The following PCDHGC4 variants were observed in gnomAD, a reference collection of about 807,000 sequenced individuals.
PCDHGC4 encodes protocadherin gamma-C4.
PCDHGC4 carries 15 observed loss-of-function variants against 59.7 expected under a neutral mutation model. That is an observed-to-expected ratio of 0.25 (90% confidence interval 0.17 to 0.39). The LOEUF (loss-of-function observed/expected upper bound fraction) is 0.39, where lower values mean the gene tolerates loss of function less well. Ranked by LOEUF, PCDHGC4 falls within the 10% of genes least tolerant of loss-of-function variation. The pLI is 1.00. For missense variants in PCDHGC4, 1,016 were observed against 1,189.5 expected (o/e 0.85, Z 2.15); for synonymous variants, 434 against 481.4 (o/e 0.90, Z 1.29).
In PCDHGC4 at chr5:141,505,574, CCT is replaced by C. The variant is rs562555098; in HGVS notation, c.2590+94_2590+95del. 5.3e-5 allele frequency: 85 copies of C among 1,593,636 alleles called. No individual in the cohort carries two copies. The African/African-American group carries it at 1.0e-3, about 20-fold the overall frequency. On this transcript the variant is annotated intron_variant, in intron 3 of 3. Coordinates refer to ENST00000306593, the MANE Select transcript of PCDHGC4 (RefSeq NM_018928.3). ...CCATGCCCACGGACTGGATGTCAAACCTGTGTAGTTTCTCCAGATCTTTCGGC... is the reference window on the plus strand; with the variant it reads ...CCATGCCCACGGACTGGATGTCAAACGTGTAGTTTCTCCAGATCTTTCGGC...
chr5:141,505,348 G>C, intron 2 of PCDHGC4, 45 bp from the exon 3 acceptor site: 1 of 1,613,358 alleles, frequency 6.2e-7, no homozygotes, highest in Non-Finnish European at 8.5e-7. Flanking sequence ...GGCATGAGCT[G>C]TGCCGGCCTG....
rs2099622509 is a variant in PCDHGC4 at position 141,485,988 on chromosome 5, G to T, written c.815G>T (p.Gly272Val). Residue 272 changes from glycine (G) to valine (V), a missense_variant, in exon 1 of 4, where the codon GGT becomes GTT. Coordinates refer to ENST00000306593, the MANE Select transcript of PCDHGC4 (RefSeq NM_018928.3). The surrounding 1 kb of genome is among the most constrained non-coding windows in gnomAD (Gnocchi z 5.7). ...IQLNASDPDLGPSGNVTFYFS... is the reference protein window; with the variant it reads ...IQLNASDPDLVPSGNVTFYFS... The stretch of plus-strand genomic sequence containing the variant: ...CTCAATGCCTCAGACCCGGACCTGG[G>T]TCCCAGTGGTAACGTCACCTTTTAT... 16 of 1,614,188 alleles carry T rather than the reference G, an allele frequency of 9.9e-6. No homozygotes were observed. The highest frequency in any genetic ancestry group is 1.4e-5 in the Non-Finnish European group (16 of 1,180,038).
intron 1 of PCDHGC4, among the ~76,000 whole-genome samples, chr5:141,488,087 G>A (rs1479773288): frequency 6.6e-6 from 1 of 152,198 alleles, no homozygotes; most frequent in East Asian, 1.9e-4. Flanking sequence ...CTAGTACACT[G>A]TGAAGGGACC....
In PCDHGC4 at chr5:141,489,662, G is replaced by C; in HGVS notation, c.2442+2047G>C. 8.1e-6 allele frequency: 13 copies of C among 1,614,144 alleles called. No individual in the cohort carries two copies. The highest frequency in any genetic ancestry group is 1.1e-5 in the Non-Finnish European group (13 of 1,180,010). On this transcript the variant is annotated intron_variant, in intron 1 of 3. Coordinates refer to ENST00000306593, the MANE Select transcript of PCDHGC4 (RefSeq NM_018928.3). This position sits in a 1 kb window ranked among gnomAD's most constrained non-coding sequence, Gnocchi z 4.5. The stretch of plus-strand genomic sequence containing the variant: ...TTTGCCACCCCTGAGCGAGAGATGC[G>C]CATCTCAGAATCAGCAGCATCTGGG...
At position 141,487,710 on chromosome 5, in the gene PCDHGC4, G is replaced by A. The variant is rs199722860; in HGVS notation, c.2442+95G>A. ...CTAGAGAGTACTGGCCTCTCAGTAA[G>A]TGCCCATAGTGATGTCACCATTTTT... On this transcript the variant is annotated intron_variant, in intron 1 of 3. Transcript: ENST00000306593. The surrounding 1 kb of genome is among the most constrained non-coding windows in gnomAD (Gnocchi z 5.0). 3.8e-4 allele frequency: 596 copies of A among 1,586,168 alleles called. No individual in the cohort carries two copies. The highest frequency in any genetic ancestry group is 4.5e-4 in the Non-Finnish European group (529 of 1,164,386).
At chr5:141,505,574 C>T (rs1275802375) in intron 3 of PCDHGC4, 93 bp downstream of exon 3, 13 of 1,593,636 alleles carry the variant, frequency 8.2e-6, no homozygotes, top group Non-Finnish European at 1.1e-5. Context: ...GGATGTCAAA[C>T]CTGTGTAGTT....
chr5:141,489,477 G>C lies in PCDHGC4; in HGVS notation c.2442+1862G>C, dbSNP rs2154581232. 1.9e-6 allele frequency: 3 copies of C among 1,614,108 alleles called. No homozygotes were observed. Among genetic ancestry groups the C allele is most frequent in the Non-Finnish European group, 2.5e-6 (3 of 1,180,034 alleles). ...ATGGGCGCTATTTTTCCCTGAGCTT[G>C]ATGAGTGGTGCCCTGGCAGTGAATC... is the stretch of plus-strand genomic sequence containing the variant. On this transcript the variant is annotated intron_variant, in intron 1 of 3. Coordinates refer to ENST00000306593, the MANE Select transcript of PCDHGC4 (RefSeq NM_018928.3). This position sits in a 1 kb window ranked among gnomAD's most constrained non-coding sequence, Gnocchi z 4.5.
intron 1 of PCDHGC4, among the ~76,000 whole-genome samples, chr5:141,492,781 T>C (rs945023154): frequency 9.9e-5 from 15 of 152,194 alleles, no homozygotes; most frequent in African/African-American, 3.6e-4. Flanking sequence ...TGAGTGAGCC[T>C]CTATAGGACA....
At chr5:141,507,724 G>A (rs2099862962) in intron 3 of PCDHGC4, among the ~76,000 whole-genome samples, 1 of 152,256 alleles carries the variant, frequency 6.6e-6, no homozygotes. Context: ...CTCCAAGCAA[G>A]TCATGCAGCT....
At chr5:141,492,487 C>G (rs1031047955) in intron 1 of PCDHGC4, among the ~76,000 whole-genome samples, 1 of 152,222 alleles carries the variant, frequency 6.6e-6, no homozygotes, top group Non-Finnish European at 1.5e-5. Flanking sequence ...CGCCCAGGAC[C>G]AGGCGAGGAC....
At chr5:141,498,793 T>C (rs2154592354) in intron 2 of PCDHGC4, among the ~76,000 whole-genome samples, 1 of 152,028 alleles carries the variant, frequency 6.6e-6, no homozygotes, top group Non-Finnish European at 1.5e-5. Context: ...ATTAGCCAGG[T>C]GTGGTGGTGC....
At position 141,491,651 on chromosome 5, in the gene PCDHGC4, A is replaced by G. The variant is rs1379494110; in HGVS notation, c.2443-3156A>G. 1.9e-6 allele frequency: 3 copies of G among 1,613,796 alleles called. 1 individual carries two copies. ...CAGCAGCCCACAGCTCTGGCGCTGGAGCCTGACGCCATCCGGTCCCGCTCT... is the reference window on the plus strand; with the variant it reads ...CAGCAGCCCACAGCTCTGGCGCTGGGGCCTGACGCCATCCGGTCCCGCTCT... On this transcript the variant is annotated intron_variant, in intron 1 of 3. Coordinates refer to ENST00000306593, the MANE Select transcript of PCDHGC4 (RefSeq NM_018928.3). The surrounding 1 kb of genome is among the most constrained non-coding windows in gnomAD (Gnocchi z 6.9).
In PCDHGC4 at chr5:141,485,179, C is replaced by G. The variant is rs1405000217; in HGVS notation, c.6C>G (p.Leu2=). The G allele has an allele frequency of 1.2e-6, 2 of 1,612,648 alleles. No homozygotes were observed. Among genetic ancestry groups the G allele is most frequent in the African/African-American group, 2.7e-5 (2 of 74,924 alleles). ...AGAATTAGCGGGCGGCAGCAATGCT[C>G]CGCAAGGTGAGAAGCTGGACAGAAA... is the stretch of plus-strand genomic sequence containing the variant. M[L]RKVRSWTEIW... Residue 2 remains leucine, a synonymous_variant, in exon 1 of 4, where the codon CTC becomes CTG. Transcript: ENST00000306593. This position sits in a 1 kb window ranked among gnomAD's most constrained non-coding sequence, Gnocchi z 5.7.
Position 141,511,107 on chromosome 5 carries a change from G to A in PCDHGC4, c.2751G>A (p.Arg917=), listed in dbSNP as rs2099883608. 1 of 1,614,220 alleles carries A rather than the reference G, an allele frequency of 6.2e-7. No homozygotes were observed. Among genetic ancestry groups the A allele is most frequent in the Non-Finnish European group, 8.5e-7 (1 of 1,180,020 alleles). Residue 917 remains arginine, a synonymous_variant, in exon 4 of 4, where the codon CGG becomes CGA. Coordinates refer to ENST00000306593, the MANE Select transcript of PCDHGC4 (RefSeq NM_018928.3). Reference sequence around the variant, plus strand: ...CACTGACCAACGCAGCTGGCAAGCGGGATGGCAAGGCCCCAGCAGGTGGCA... The same window carrying A: ...CACTGACCAACGCAGCTGGCAAGCGAGATGGCAAGGCCCCAGCAGGTGGCA... The part of the protein sequence containing the change: ...NATLTNAAGK[R]DGKAPAGGNG...
At chr5:141,508,033 C>A (rs1596123382) in intron 3 of PCDHGC4, 1 of 152,290 alleles carries the variant, frequency 6.6e-6, no homozygotes, top group Non-Finnish European at 1.5e-5. Flanking sequence ...GTTTGCAGCT[C>A]AGCCAGCTGT....
rs138542775 is a variant in PCDHGC4, at chr5:141,491,313, C to T, written c.2443-3494C>T. ...ACCCTCCTGAGCGTTCAGACCTTAC[C>T]CTTTACCTCATTGTGGCTCTAGCGA... On this transcript the variant is annotated intron_variant, in intron 1 of 3. Transcript: ENST00000306593. This position sits in a 1 kb window ranked among gnomAD's most constrained non-coding sequence, Gnocchi z 6.9. 405 of 1,614,154 alleles carry T rather than the reference C, an allele frequency of 2.5e-4. 2 individuals are homozygous for T. In the African/African-American group the frequency reaches 4.5e-3, roughly 18 times the overall value.
Position 141,485,227 on chromosome 5 carries a change from G to T in PCDHGC4, c.54G>T (p.Leu18Phe). Reference sequence around the variant, plus strand: ...AAATCTGGCGGTGGGCTACCCTTTTGTTCCTCTTTTACCACCTGGGTTACG... The same window carrying T: ...AAATCTGGCGGTGGGCTACCCTTTTTTTCCTCTTTTACCACCTGGGTTACG... ...WTEIWRWATLLFLFYHLGYVC... is the reference protein window; with the variant it reads ...WTEIWRWATLFFLFYHLGYVC... The change falls in exon 1 of 4, where the codon TTG becomes TTT. Residue 18 changes from leucine to phenylalanine, a missense_variant. Transcript: ENST00000306593. The surrounding 1 kb of genome is among the most constrained non-coding windows in gnomAD (Gnocchi z 5.7). The T allele has an allele frequency of 6.2e-7, 1 of 1,614,186 alleles. No individual in the cohort carries two copies. Among genetic ancestry groups the T allele is most frequent in the Non-Finnish European group, 8.5e-7 (1 of 1,180,020 alleles).
Position 141,485,574 on chromosome 5 carries a change from C to T in PCDHGC4, c.401C>T (p.Pro134Leu). 1 of 1,612,568 alleles carries T rather than the reference C, an allele frequency of 6.2e-7. No homozygotes were observed. Among genetic ancestry groups the T allele is most frequent in the Non-Finnish European group, 8.5e-7 (1 of 1,178,752 alleles). The change falls in exon 1 of 4, where the codon CCG becomes CTG. Residue 134 changes from proline to leucine, a missense_variant. By Grantham distance (98) the Pro-to-Leu change is moderately conservative. Transcript: ENST00000306593. This position sits in a 1 kb window ranked among gnomAD's most constrained non-coding sequence, Gnocchi z 5.7. The part of the protein sequence containing the change: ...VDVNDHAPRF[P>L]RQQLDLEIGE... ...GTGAATGATCACGCCCCCCGTTTTCCGCGGCAGCAGCTGGACTTGGAAATT... is the reference window on the plus strand; with the variant it reads ...GTGAATGATCACGCCCCCCGTTTTCTGCGGCAGCAGCTGGACTTGGAAATT...
At chr5:141,500,562 T>A (rs2099801387) in intron 2 of PCDHGC4, among the ~76,000 whole-genome samples, 1 of 152,202 alleles carries the variant, frequency 6.6e-6, no homozygotes, top group Admixed American at 6.5e-5. Flanking sequence ...CACAAACTTG[T>A]CACACTTTCA....
Sources: allele counts gnomAD v4.1 joint callset (sites outside exome capture counted in the v4.1 genomes callset), GRCh38; gene constraint gnomAD v4.1.1; non-coding constraint Gnocchi (gnomAD v3.1); transcripts MANE v1.5; gene names NCBI Gene and HGNC (gene_info 2026-07-23, HGNC 2026-07-21).